The following SCOC variants were observed in gnomAD, a reference collection of about 807,000 sequenced individuals.
SCOC encodes the protein short coiled-coil protein, also known as short coiled coil protein.
A neutral mutation model predicts 9.9 loss-of-function variants in SCOC; 7 were observed. The ratio of observed to expected loss-of-function variants is 0.71; its 90% CI spans 0.40 to 1.33. The LOEUF is 1.33. SCOC is among the 40% of genes most tolerant of loss of function. The pLI is 0.01. For synonymous variants in SCOC, 19 were observed against 28.2 expected (o/e 0.67, Z 1.03); for missense variants, 66 against 89.7 (o/e 0.74, Z 1.07).
At chr4:140,364,407 A>G (rs1247887798) in intron 2 of SCOC, among the ~76,000 whole-genome samples, 1 of 152,190 alleles carries the variant, frequency 6.6e-6, no homozygotes, top group Non-Finnish European at 1.5e-5. Flanking sequence ...CCATTAAGAA[A>G]ATCATTGAGG....
Position 140,381,217 on chromosome 4 carries a change from A to G in SCOC, c.*113A>G. The stretch of plus-strand genomic sequence containing the variant: ...GTGGCTTCATTGAATATTTATGAAG[A>G]TAATGTCAGATGTAGACAAAAATAA... On this transcript the variant is annotated 3_prime_UTR_variant, in exon 4 of 4. Transcript: ENST00000608372. The G allele has an allele frequency of 2.0e-6, 2 of 1,004,026 alleles. No homozygotes were observed. Among genetic ancestry groups the G allele is most frequent in the East Asian group, 5.6e-5 (2 of 35,820 alleles). 62.2% of individuals were successfully genotyped at this position (1,004,026 alleles called of 1,614,324 possible).
At chr4:140,335,433 A>C (rs925704579) in intron 1 of SCOC, among the ~76,000 whole-genome samples, 13 of 152,264 alleles carry the variant, frequency 8.5e-5, no homozygotes, top group African/African-American at 3.1e-4. Flanking sequence ...TATTAGCTAT[A>C]TATAATGAAA....
chr4:140,287,769 C>T (rs1731338999), intron 1 of SCOC, among the ~76,000 whole-genome samples: 2 of 152,056 alleles, frequency 1.3e-5, no homozygotes, highest in Admixed American at 1.3e-4. Flanking sequence ...CATGTGCATG[C>T]ACTATACGTA....
rs1428075309 is a variant in SCOC, at chr4:140,274,062, T to C, written c.-19+16652T>C. On this transcript the variant is annotated intron_variant, in intron 1 of 4. Transcript: ENST00000394205. ...GTGTTTAAAGTGACATCTGCAAATA[T>C]GTGTTTTAGAAAGAAACTCGTTGTA... Among the ~76,000 whole-genome samples, 6 of 152,334 alleles carry C rather than the reference T, an allele frequency of 3.9e-5. No homozygotes were observed. The South Asian group carries it at 1.2e-3, about 32-fold the overall frequency.
upstream of SCOC, among the ~76,000 whole-genome samples, chr4:140,340,575 A>T (rs1204190822): frequency 6.6e-6 from 1 of 151,952 alleles, no homozygotes; most frequent in Admixed American, 6.6e-5. Flanking sequence ...CCTACCTCTC[A>T]CTCCATATAT....
At chr4:140,320,424 A>T (rs1342042154) in intron 1 of SCOC, among the ~76,000 whole-genome samples, 1 of 152,186 alleles carries the variant, frequency 6.6e-6, no homozygotes, top group Admixed American at 6.5e-5. Flanking sequence ...CTTTCTTAAT[A>T]AACTGCTTTC....
At chr4:140,337,436 G>A (rs1271186346) in intron 1 of SCOC, among the ~76,000 whole-genome samples, 8 of 152,040 alleles carry the variant, frequency 5.3e-5, no homozygotes, top group Non-Finnish European at 1.0e-4. Flanking sequence ...TTACCACAAA[G>A]CTACAGTAAT....
intron 1 of SCOC, among the ~76,000 whole-genome samples, chr4:140,286,496 G>A (rs1310088410): frequency 6.6e-6 from 1 of 152,192 alleles, no homozygotes; most frequent in Non-Finnish European, 1.5e-5. Context: ...GATGAGATCT[G>A]GTGTCTGCAA....
chr4:140,379,049 A>G, intron 1 of SCOC, 72 bp from the exon 2 acceptor site: 1 of 931,448 alleles, frequency 1.1e-6, no homozygotes, highest in East Asian at 2.4e-5. Context: ...TAACAAAATC[A>G]TCCTCCTTTG....
intron 2 of SCOC, among the ~76,000 whole-genome samples, chr4:140,350,512 C>T (rs1338520953): frequency 2.0e-5 from 3 of 152,194 alleles, no homozygotes; most frequent in Non-Finnish European, 2.9e-5. Flanking sequence ...ATTGTCTCTT[C>T]TTTCTATCCA....
intron 1 of SCOC, among the ~76,000 whole-genome samples, chr4:140,280,512 T>C (rs542833061): frequency 6.6e-6 from 1 of 152,350 alleles, no homozygotes; most frequent in East Asian, 1.9e-4. Context: ...TTTCTCTTTA[T>C]GCTTCTCTCT....
At chr4:140,283,266 C>A (rs1159953015) in intron 1 of SCOC, among the ~76,000 whole-genome samples, 1 of 152,062 alleles carries the variant, frequency 6.6e-6, no homozygotes, top group Non-Finnish European at 1.5e-5. Context: ...GACCAATAAA[C>A]CCTAAAGCAA....
intron 2 of SCOC, among the ~76,000 whole-genome samples, chr4:140,344,637 G>A (rs567901479): frequency 1.3e-4 from 20 of 152,226 alleles, no homozygotes; most frequent in Middle Eastern, 3.4e-3. Context: ...TCAAAGAGGA[G>A]TATTTTCAGT....
At chr4:140,346,871 A>G (rs2126519425) in intron 2 of SCOC, among the ~76,000 whole-genome samples, 1 of 152,152 alleles carries the variant, frequency 6.6e-6, no homozygotes, top group African/African-American at 2.4e-5. Context: ...GGGCATCTCA[A>G]CCTCTCTCAG....
chr4:140,380,305 C>T (rs1578890099), intron 3 of SCOC, among the ~76,000 whole-genome samples: 1 of 146,418 alleles, frequency 6.8e-6, no homozygotes, highest in South Asian at 2.2e-4. Flanking sequence ...TCAAGCGATT[C>T]TCCTGTCTCA....
chr4:140,373,970 G>T (rs897863181), intron 1 of SCOC: 1 of 660,972 alleles, frequency 1.5e-6, no homozygotes, highest in East Asian at 2.9e-5. Flanking sequence ...GACCTCTCGC[G>T]GTCCCTGACG....
chr4:140,316,716 T>G (rs969974551), intron 1 of SCOC, among the ~76,000 whole-genome samples: 1 of 152,188 alleles, frequency 6.6e-6, no homozygotes, highest in Non-Finnish European at 1.5e-5. Context: ...ATTGAGGGCA[T>G]GCTGAATCCC....
intron 1 of SCOC, among the ~76,000 whole-genome samples, chr4:140,286,130 GC>G (rs775968210): frequency 9.2e-5 from 14 of 151,882 alleles, no homozygotes. Context: ...GTTGCAGTGA[GC>G]CAAGATTGAG....
intron 1 of SCOC, among the ~76,000 whole-genome samples, chr4:140,296,583 C>A (rs950887324): frequency 6.6e-6 from 1 of 152,172 alleles, no homozygotes; most frequent in Non-Finnish European, 1.5e-5. Flanking sequence ...AGGACACTGA[C>A]CCATTTCCAC....
Sources: allele counts gnomAD v4.1 joint callset (sites outside exome capture counted in the v4.1 genomes callset), GRCh38; gene constraint gnomAD v4.1.1; transcripts MANE v1.5; gene names NCBI Gene and HGNC (gene_info 2026-07-23, HGNC 2026-07-21).